TMEM87A: variants seen among roughly 807,000 people sequenced by gnomAD.
TMEM87A encodes transmembrane protein 87A, also known as Golgi-pH regulating cation channel.
TMEM87A carries 50 observed loss-of-function variants against 90.0 expected under a neutral mutation model. That is an observed-to-expected ratio of 0.56 (90% CI 0.44 to 0.70). The LOEUF (loss-of-function observed/expected upper bound fraction) is 0.70, where lower values mean the gene tolerates loss of function less well. Ranked by LOEUF, TMEM87A falls within the 30% of genes least tolerant of loss-of-function variation. The probability of loss-of-function intolerance (pLI) is 0.00; values close to 1 mark genes in which losing one functional copy is unlikely to be tolerated. For synonymous variants in TMEM87A, 226 were observed against 226.7 expected, an observed-to-expected ratio of 1.00 and a Z score of 0.03; for missense variants, 577 against 660.5, an observed-to-expected ratio of 0.87 and a Z score of 1.39.
chr15:42,227,842 G>A lies in TMEM87A; in HGVS notation c.1241-73C>T, dbSNP rs561412221. ...TCCCCAATTACATTCCCCCATTTCC[G>A]GTTAAGTGGAATCCCACACACCCCG... On this transcript the variant is annotated intron_variant, in intron 13 of 19. Transcript: ENST00000389834. 2.5e-5 allele frequency: 35 copies of A among 1,391,596 alleles called. 1 individual carries two copies. In the Middle Eastern group the frequency reaches 5.3e-4, roughly 21 times the overall value. The allele number at this position is 1,391,596 out of a possible 1,614,324, so 86.2% of individuals were successfully genotyped here. A position where few individuals can be genotyped will look rare whatever the true frequency, so the allele number is the denominator to read the frequency against.
At chr15:42,243,721 G>A (rs2050917827) in intron 7 of TMEM87A, among the ~76,000 whole-genome samples, 1 of 151,820 alleles carries the variant, frequency 6.6e-6, no homozygotes, top group Non-Finnish European at 1.5e-5. Context: ...GTTTCTCCAT[G>A]TTGGTCAGGC....
At chr15:42,249,879 T>G (rs1191946945) in intron 6 of TMEM87A, among the ~76,000 whole-genome samples, 1 of 152,192 alleles carries the variant, frequency 6.6e-6, no homozygotes, top group Non-Finnish European at 1.5e-5. Context: ...TGTTAAAGTC[T>G]CTCATTATTA....
intron 11 of TMEM87A, 67 bp from the exon 12 acceptor site, chr15:42,231,327 C>A: frequency 7.7e-7 from 1 of 1,292,794 alleles, no homozygotes; most frequent in Non-Finnish European, 1.1e-6. Flanking sequence ...GAAACCACCA[C>A]ATGATTCTGC....
intron 2 of TMEM87A, among the ~76,000 whole-genome samples, chr15:42,268,872 T>C (rs1267543016): frequency 6.6e-6 from 1 of 152,154 alleles, no homozygotes; most frequent in East Asian, 1.9e-4. Context: ...TAAATGATGA[T>C]ATACATAATA....
chr15:42,273,580 C>T (rs977201017), upstream of TMEM87A: 21 of 1,088,162 alleles, frequency 1.9e-5, no homozygotes, highest in South Asian at 4.8e-5. Context: ...GACTTTGGAC[C>T]TACTGCGCAG....
At chr15:42,213,759 A>G (rs1376911647) in intron 19 of TMEM87A, among the ~76,000 whole-genome samples, 2 of 152,220 alleles carry the variant, frequency 1.3e-5, no homozygotes, top group Non-Finnish European at 2.9e-5. Context: ...CTCCTGTACA[A>G]TGCCAGTCCA....
At chr15:42,243,236 C>G (rs915808503) in intron 7 of TMEM87A, among the ~76,000 whole-genome samples, 6 of 151,448 alleles carry the variant, frequency 4.0e-5, no homozygotes, top group Non-Finnish European at 7.4e-5. Flanking sequence ...CCACTGCACT[C>G]TAGCCTGGGC....
intron 6 of TMEM87A, among the ~76,000 whole-genome samples, chr15:42,245,520 C>CTTTTTTTT (rs550453415): frequency 2.5e-5 from 3 of 118,432 alleles, no homozygotes; most frequent in African/African-American, 6.8e-5. Flanking sequence ...ACATTTATTA[C>CTTTTTTTT]TTTTTTTTTT....
chr15:42,243,404 G>C (rs996153857), intron 7 of TMEM87A, among the ~76,000 whole-genome samples: 3 of 151,546 alleles, frequency 2.0e-5, no homozygotes, highest in Non-Finnish European at 4.4e-5. Flanking sequence ...CAGTTAGGAA[G>C]TTCTTGGAAA....
At chr15:42,269,260 G>A (rs958851011) in intron 2 of TMEM87A, among the ~76,000 whole-genome samples, 3 of 152,028 alleles carry the variant, frequency 2.0e-5, no homozygotes, top group Non-Finnish European at 2.9e-5. Context: ...TTATATAAAT[G>A]TAATAATAAA....
intron 2 of TMEM87A, among the ~76,000 whole-genome samples, chr15:42,269,921 C>T (rs1214407784): frequency 2.8e-5 from 3 of 107,470 alleles, no homozygotes; most frequent in Non-Finnish European, 5.2e-5. Context: ...CCGGCCTGGG[C>T]GACAGAGCGA....
intron 11 of TMEM87A, among the ~76,000 whole-genome samples, chr15:42,231,594 C>A (rs181738238): frequency 1.3e-5 from 2 of 152,204 alleles, no homozygotes; most frequent in African/African-American, 4.8e-5. Context: ...TCTATCATTT[C>A]CTATTATTGC....
At chr15:42,269,552 C>T (rs931669021) in intron 2 of TMEM87A, among the ~76,000 whole-genome samples, 2 of 152,108 alleles carry the variant, frequency 1.3e-5, no homozygotes, top group African/African-American at 2.4e-5. Context: ...GAACACATCC[C>T]CCAAACAGGA....
rs755707399 is a variant in TMEM87A at position 42,239,766 on chromosome 15, G to T, written c.623-35C>A. The T allele has an allele frequency of 1.9e-6, 3 of 1,575,300 alleles. No homozygotes were observed. The East Asian group carries it at 6.7e-5, about 35-fold the overall frequency. ...CAGAGTCCTCAGAATTAATTTACAG[G>T]ATGCAGAAATTAAACAAAAATATTG... On this transcript the variant is annotated intron_variant, in intron 7 of 19. Coordinates refer to ENST00000389834, the MANE Select transcript of TMEM87A (RefSeq NM_015497.5).
intron 15 of TMEM87A, among the ~76,000 whole-genome samples, chr15:42,222,407 A>T (rs2050507097): frequency 6.6e-6 from 1 of 152,174 alleles, no homozygotes; most frequent in Non-Finnish European, 1.5e-5. Context: ...GCCTGCACTT[A>T]TAAATATGAT....
intron 6 of TMEM87A, among the ~76,000 whole-genome samples, chr15:42,255,095 G>A (rs765329039): frequency 6.6e-5 from 10 of 151,620 alleles, no homozygotes; most frequent in African/African-American, 2.4e-4. Flanking sequence ...CCCCTGTAGC[G>A]GTGACTATAG....
rs60449122 is a variant in TMEM87A, at chr15:42,254,964, C to CTT, written c.504+5992_504+5993dup. Among the ~76,000 whole-genome samples, 105 of 125,416 alleles carry CTT rather than the reference C, an allele frequency of 8.4e-4. 1 individual carries two copies. The highest frequency in any genetic ancestry group is 4.0e-3 in the Middle Eastern group (1 of 248). 82.3% of individuals were successfully genotyped at this position (125,416 alleles called of 152,430 possible). Reference sequence around the variant, plus strand: ...ATAGACACAGCATGTGGGAGGTCTCCTTTTTTTTTTTTTTTTTTGAGACAG... The same window carrying CTT: ...ATAGACACAGCATGTGGGAGGTCTCCTTTTTTTTTTTTTTTTTTTTGAGACAG... On this transcript the variant is annotated intron_variant, in intron 6 of 19. Coordinates refer to ENST00000389834, the MANE Select transcript of TMEM87A (RefSeq NM_015497.5).
intron 3 of TMEM87A, among the ~76,000 whole-genome samples, chr15:42,264,736 A>G (rs1254653203): frequency 7.2e-6 from 1 of 138,464 alleles, no homozygotes; most frequent in Non-Finnish European, 1.5e-5. Context: ...TCCGGTATAC[A>G]TACGCAACTT....
chr15:42,228,107 C>T (rs1325581878), intron 13 of TMEM87A, among the ~76,000 whole-genome samples: 1 of 152,060 alleles, frequency 6.6e-6, no homozygotes, highest in Non-Finnish European at 1.5e-5. Flanking sequence ...ATTTTTTTCT[C>T]CTTTTATCCT....
Sources: gnomAD v4.1 joint callset for allele counts (sites outside exome capture counted in the v4.1 genomes callset) on GRCh38, gnomAD v4.1.1 for gene constraint, MANE v1.5 for transcripts, NCBI Gene and HGNC (gene_info 2026-07-23, HGNC 2026-07-21) for gene names.